DYNC2H1: variants seen among roughly 807,000 people sequenced by gnomAD.
DYNC2H1 encodes the protein cytoplasmic dynein 2 heavy chain 1.
In DYNC2H1, 410 loss-of-function variants were observed where a neutral mutation model predicts 570.0. The ratio of observed to expected loss-of-function variants is 0.72; its 90% confidence interval spans 0.66 to 0.78. The LOEUF is 0.78. Ranked by LOEUF, DYNC2H1 falls within the 30% of genes least tolerant of loss-of-function variation. DYNC2H1 has a pLI of 0.00. For synonymous variants in DYNC2H1, 1,688 were observed against 1,677.6 expected, an observed-to-expected ratio of 1.01 and a Z score of -0.15; for missense variants, 4,865 against 5,046.4, an observed-to-expected ratio of 0.96 and a Z score of 1.09.
At chr11:103,464,035 C>CAAAGT (rs1945107859) in intron 87 of DYNC2H1, among the ~76,000 whole-genome samples, 1 of 151,890 alleles carries the variant, frequency 6.6e-6, no homozygotes, top group African/African-American at 2.4e-5. Flanking sequence ...ATCCAAAATC[C>CAAAGT]AAAGTAAATG....
intron 22 of DYNC2H1, among the ~76,000 whole-genome samples, chr11:103,153,800 A>AAT (rs1191819337): frequency 2.0e-5 from 3 of 152,080 alleles, no homozygotes; most frequent in Middle Eastern, 3.5e-3. Flanking sequence ...TTAAAAATGA[A>AAT]ATATATATAA....
Position 103,277,412 on chromosome 11 carries a change from T to G in DYNC2H1, c.10696-2936T>G, listed in dbSNP as rs926300971. Among the ~76,000 whole-genome samples the G allele has an allele frequency of 6.6e-6, 1 of 152,162 alleles. No individual in the cohort carries two copies. Among genetic ancestry groups the G allele is most frequent in the Non-Finnish European group, 1.5e-5 (1 of 68,008 alleles). ...AAACAATTATAAAGTTCTCTCCCCC[T>G]CCTTCATCTGCCTTTTTCAGAAGCG... On this transcript the variant is annotated intron_variant, in intron 70 of 88. Transcript: ENST00000375735. The surrounding 1 kb of genome is among the most constrained non-coding windows in gnomAD (Gnocchi z 4.3).
At position 103,369,617 on chromosome 11, in the gene DYNC2H1, A is replaced by G. The variant is rs1362636115; in HGVS notation, c.12156+11258A>G. On this transcript the variant is annotated intron_variant, in intron 83 of 88. Coordinates refer to ENST00000375735, the MANE Select transcript of DYNC2H1 (RefSeq NM_001377.3). The surrounding 1 kb of genome is among the most constrained non-coding windows in gnomAD (Gnocchi z 4.0). ...GAGGATTTTGTCTTGCATCTTGGATACCAGCTCAGCCACAACAGGATAGGG... is the reference window on the plus strand; with the variant it reads ...GAGGATTTTGTCTTGCATCTTGGATGCCAGCTCAGCCACAACAGGATAGGG... 6.6e-6 allele frequency among the ~76,000 whole-genome samples: 1 copy of G among 152,144 alleles called. No individual in the cohort carries two copies. Among genetic ancestry groups the G allele is most frequent in the Non-Finnish European group, 1.5e-5 (1 of 68,030 alleles).
intron 70 of DYNC2H1, among the ~76,000 whole-genome samples, chr11:103,273,874 CAGG>C (rs1473680114): frequency 1.3e-5 from 2 of 152,100 alleles, no homozygotes; most frequent in Non-Finnish European, 2.9e-5. Context: ...AACCAGATAA[CAGG>C]AGAAGGGTAA....
intron 74 of DYNC2H1, among the ~76,000 whole-genome samples, chr11:103,286,863 CT>C (rs1866371143): frequency 6.6e-6 from 1 of 152,138 alleles, no homozygotes; most frequent in Middle Eastern, 3.2e-3. Context: ...AGAAAATGAC[CT>C]TTCCATTTAT....
intron 85 of DYNC2H1, among the ~76,000 whole-genome samples, chr11:103,436,654 T>C (rs1320883171): frequency 6.6e-6 from 1 of 152,114 alleles, no homozygotes; most frequent in Non-Finnish European, 1.5e-5. Context: ...TTCATCCATG[T>C]TTTTTAAAAT....
chr11:103,452,038 T>C (rs1431014551), intron 85 of DYNC2H1, among the ~76,000 whole-genome samples: 1 of 152,088 alleles, frequency 6.6e-6, no homozygotes, highest in Non-Finnish European at 1.5e-5. Flanking sequence ...CTCATGTGAA[T>C]TTTTTTCCTC....
intron 82 of DYNC2H1, among the ~76,000 whole-genome samples, chr11:103,343,130 T>C (rs1027621132): frequency 6.6e-6 from 1 of 152,110 alleles, no homozygotes; most frequent in Non-Finnish European, 1.5e-5. Flanking sequence ...AGCTTCTGCT[T>C]TTGCTGTTCT....
chr11:103,259,871 C>T lies in DYNC2H1; in HGVS notation c.10606-17C>T, dbSNP rs1157373139. 12 of 1,469,056 alleles carry T rather than the reference C, an allele frequency of 8.2e-6. No individual in the cohort carries two copies. The highest frequency in any genetic ancestry group is 1.0e-5 in the Non-Finnish European group (11 of 1,093,664). The allele number at this position is 1,469,056 out of a possible 1,614,324, so 91.0% of individuals were successfully genotyped here. ...TGTTTATAAATTTCCTAATGAATTTCCAATTATAATCTACAGGATTCTGAA... is the reference window on the plus strand; with the variant it reads ...TGTTTATAAATTTCCTAATGAATTTTCAATTATAATCTACAGGATTCTGAA... On this transcript the variant is annotated splice_polypyrimidine_tract_variant and intron_variant, in intron 69 of 88. Coordinates refer to ENST00000375735, the MANE Select transcript of DYNC2H1 (RefSeq NM_001377.3).
rs1048761462 is a variant in DYNC2H1 at position 103,189,899 on chromosome 11, A to C, written c.7437+83A>C. ...ACTTTTAATTCTGACCTCTGTGTTG[A>C]CACCCAGGCTTTACTTTCCTGTTTA... On this transcript the variant is annotated intron_variant, in intron 45 of 88. Coordinates refer to ENST00000375735, the MANE Select transcript of DYNC2H1 (RefSeq NM_001377.3). This position sits in a 1 kb window ranked among gnomAD's most constrained non-coding sequence, Gnocchi z 4.3. The C allele has an allele frequency of 1.5e-6, 2 of 1,378,666 alleles. No homozygotes were observed. Among genetic ancestry groups the C allele is most frequent in the Non-Finnish European group, 1.9e-6 (2 of 1,028,502 alleles). The allele number at this position is 1,378,666 out of a possible 1,614,324, so 85.4% of individuals were successfully genotyped here.
intron 47 of DYNC2H1, among the ~76,000 whole-genome samples, chr11:103,196,861 C>T (rs148653436): frequency 2.6e-5 from 4 of 151,904 alleles, no homozygotes; most frequent in Admixed American, 6.6e-5. Flanking sequence ...GTAGCCTGTA[C>T]AGATAGAAAA....
intron 83 of DYNC2H1, among the ~76,000 whole-genome samples, chr11:103,382,790 A>T (rs989744985): frequency 1.3e-5 from 2 of 152,188 alleles, no homozygotes; most frequent in Non-Finnish European, 2.9e-5. Flanking sequence ...GATATGTTTC[A>T]TTCCTTTTGA....
At chr11:103,110,075 A>T (rs1350436360) in intron 1 of DYNC2H1, among the ~76,000 whole-genome samples, 1 of 152,048 alleles carries the variant, frequency 6.6e-6, no homozygotes, top group African/African-American at 2.4e-5. Flanking sequence ...CTTAGGCTGG[A>T]TGGAGTGTAG....
At chr11:103,164,774 G>A (rs1193876971) in intron 30 of DYNC2H1, among the ~76,000 whole-genome samples, 1 of 152,108 alleles carries the variant, frequency 6.6e-6, no homozygotes, top group Non-Finnish European at 1.5e-5. Context: ...ACAGTAATGC[G>A]ATTTTATAAC....
intron 39 of DYNC2H1, among the ~76,000 whole-genome samples, chr11:103,180,218 G>C (rs1861792941): frequency 6.6e-6 from 1 of 151,384 alleles, no homozygotes; most frequent in South Asian, 2.1e-4. Flanking sequence ...ATAGAATAAA[G>C]GTAAGTTTTT....
At chr11:103,301,746 T>C (rs1013322405) in intron 75 of DYNC2H1, among the ~76,000 whole-genome samples, 1 of 151,954 alleles carries the variant, frequency 6.6e-6, no homozygotes. Context: ...CCTTTTCTGG[T>C]TGGCTATCTA....
chr11:103,207,442 T>C (rs1862985110), intron 52 of DYNC2H1, among the ~76,000 whole-genome samples: 1 of 151,988 alleles, frequency 6.6e-6, no homozygotes, highest in Non-Finnish European at 1.5e-5. Flanking sequence ...TCATTTGTGA[T>C]AACAGGAAAG....
At chr11:103,207,441 A>G (rs1315225596) in intron 52 of DYNC2H1, among the ~76,000 whole-genome samples, 1 of 152,058 alleles carries the variant, frequency 6.6e-6, no homozygotes, top group South Asian at 2.1e-4. Context: ...ATCATTTGTG[A>G]TAACAGGAAA....
intron 54 of DYNC2H1, among the ~76,000 whole-genome samples, chr11:103,215,108 T>G (rs962188842): frequency 6.6e-6 from 1 of 152,178 alleles, no homozygotes; most frequent in African/African-American, 2.4e-5. Context: ...GAGGGACAAT[T>G]TGACTTCCTC....
Sources: gnomAD v4.1 joint callset for allele counts (sites outside exome capture counted in the v4.1 genomes callset) on GRCh38, gnomAD v4.1.1 for gene constraint, Gnocchi (gnomAD v3.1) non-coding constraint, MANE v1.5 for transcripts, NCBI Gene and HGNC (gene_info 2026-07-23, HGNC 2026-07-21) for gene names.